LRRC4C: variants seen among roughly 807,000 people sequenced by gnomAD.
The protein encoded by LRRC4C is leucine rich repeat containing 4C, also known as leucine-rich repeat-containing protein 4C.
LRRC4C carries 5 observed loss-of-function variants against 33.6 expected under a neutral mutation model. The ratio of observed to expected loss-of-function variants is 0.15; its 90% CI spans 0.08 to 0.31. LRRC4C has a LOEUF of 0.31. Among genes scored for constraint, LRRC4C ranks in the 10% least tolerant of loss-of-function variants. The pLI is 1.00. For missense variants in LRRC4C, 560 were observed against 796.7 expected (o/e 0.70, Z 3.58); for synonymous variants, 329 against 302.0 (o/e 1.09, Z -0.93).
At chr11:41,182,998 T>C (rs1945521893) in intron 1 of LRRC4C, among the ~76,000 whole-genome samples, 1 of 152,044 alleles carries the variant, frequency 6.6e-6, no homozygotes, top group Non-Finnish European at 1.5e-5. Flanking sequence ...ACTCCCATTT[T>C]TTAAAACCAT....
chr11:40,408,679 A>C (rs1950046975), intron 3 of LRRC4C, among the ~76,000 whole-genome samples: 1 of 151,986 alleles, frequency 6.6e-6, no homozygotes, highest in Non-Finnish European at 1.5e-5. Flanking sequence ...AGTTGTTGAA[A>C]ACACATTAAA....
chr11:40,748,263 C>T (rs559959543), intron 2 of LRRC4C, among the ~76,000 whole-genome samples: 1 of 151,958 alleles, frequency 6.6e-6, no homozygotes, highest in East Asian at 1.9e-4. Context: ...ATTTAAAGTG[C>T]TAGAAGAAAA....
At chr11:40,615,678 A>G (rs55908160) in intron 3 of LRRC4C, among the ~76,000 whole-genome samples, 19,348 of 151,752 alleles carry the variant, frequency 0.13, 1,501 homozygotes, top group Non-Finnish European at 0.18. Context: ...ATCTATTAAA[A>G]TTCGCTTTAA....
At chr11:40,155,732 A>G (rs1858633422) in intron 5 of LRRC4C, among the ~76,000 whole-genome samples, 1 of 152,124 alleles carries the variant, frequency 6.6e-6, no homozygotes, top group Admixed American at 6.5e-5. Context: ...CAACAAAAAA[A>G]AGTCCAAGAC....
At chr11:40,242,922 G>A (rs1866031703) in intron 4 of LRRC4C, among the ~76,000 whole-genome samples, 2 of 152,038 alleles carry the variant, frequency 1.3e-5, no homozygotes, top group South Asian at 4.2e-4. Context: ...AGAGAATATG[G>A]AATGAGAAGA....
At chr11:40,449,143 G>A (rs1951775409) in intron 3 of LRRC4C, among the ~76,000 whole-genome samples, 1 of 151,924 alleles carries the variant, frequency 6.6e-6, no homozygotes, top group Non-Finnish European at 1.5e-5. Context: ...CAGGATATTA[G>A]CCCTTTCTCA....
intron 3 of LRRC4C, among the ~76,000 whole-genome samples, chr11:40,615,169 A>T (rs1396153241): frequency 6.7e-6 from 1 of 149,272 alleles, no homozygotes; most frequent in African/African-American, 2.5e-5. Context: ...AGTACGGAAA[A>T]CCTTCTGGTT....
chr11:40,978,148 C>T (rs1383409313), intron 1 of LRRC4C, among the ~76,000 whole-genome samples: 1 of 152,184 alleles, frequency 6.6e-6, no homozygotes, highest in African/African-American at 2.4e-5. Context: ...TTGCATTAGG[C>T]TCTCCGTTGA....
At chr11:40,142,298 A>C (rs1360980354) in intron 5 of LRRC4C, among the ~76,000 whole-genome samples, 8 of 151,450 alleles carry the variant, frequency 5.3e-5, no homozygotes, top group Non-Finnish European at 1.0e-4. Flanking sequence ...AAAAAAAAAA[A>C]AAAAAACCTC....
intron 1 of LRRC4C, among the ~76,000 whole-genome samples, chr11:41,168,510 C>A (rs1312892650): frequency 3.3e-5 from 5 of 152,136 alleles, no homozygotes; most frequent in Non-Finnish European, 7.3e-5. Flanking sequence ...TTTTCAATCT[C>A]TAATCTGTAC....
intron 4 of LRRC4C, among the ~76,000 whole-genome samples, chr11:40,261,239 C>T (rs780897219): frequency 1.4e-4 from 21 of 152,074 alleles, no homozygotes; most frequent in Non-Finnish European, 2.2e-4. Context: ...TGTAGCAACT[C>T]ACCTGCTGAA....
chr11:40,389,498 T>G (rs9787847), intron 3 of LRRC4C, among the ~76,000 whole-genome samples: 1 of 151,736 alleles, frequency 6.6e-6, no homozygotes, highest in Non-Finnish European at 1.5e-5. Flanking sequence ...AAAACCATTA[T>G]TTTTTCACTA....
Position 41,117,278 on chromosome 11 carries a change from C to T in LRRC4C, c.-495-183555G>A, listed in dbSNP as rs548569672. Among the ~76,000 whole-genome samples the T allele has an allele frequency of 2.0e-4, 31 of 152,256 alleles. No individual in the cohort carries two copies. In the South Asian group the frequency reaches 5.0e-3, roughly 24 times the overall value. On this transcript the variant is annotated intron_variant, in intron 1 of 6. Transcript: ENST00000528697. ...GCAGCACTGAGAACTAAATAAATTG[C>T]TCTGTTTGTAGCCACTTGCCAAATC...
chr11:40,690,539 G>T (rs1945177484), intron 2 of LRRC4C, among the ~76,000 whole-genome samples: 1 of 152,074 alleles, frequency 6.6e-6, no homozygotes, highest in Non-Finnish European at 1.5e-5. Flanking sequence ...ATTGGAAGAT[G>T]TTGACGTGGC....
At chr11:41,279,397 C>CAA (rs1565542292) in intron 1 of LRRC4C, among the ~76,000 whole-genome samples, 1 of 141,938 alleles carries the variant, frequency 7.0e-6, no homozygotes, top group Admixed American at 7.7e-5. Flanking sequence ...CACACACACA[C>CAA]ACACACACAC....
In LRRC4C at chr11:40,395,417, T is replaced by C. The variant is rs1949501381; in HGVS notation, c.-269-75696A>G. 1.3e-5 allele frequency among the ~76,000 whole-genome samples: 2 copies of C among 152,170 alleles called. 1 individual carries two copies. Among genetic ancestry groups the C allele is most frequent in the South Asian group, 4.1e-4 (2 of 4,836 alleles). On this transcript the variant is annotated intron_variant, in intron 3 of 6. Coordinates refer to ENST00000528697, the MANE Select transcript of LRRC4C (RefSeq NM_001258419.2). ...CCCTAACTAGGTACTTTCTCTCATG[T>C]ACATCACCTTTCTAATAAAAGGGCA...
chr11:40,967,110 C>T (rs1386800583), intron 1 of LRRC4C, among the ~76,000 whole-genome samples: 2 of 151,032 alleles, frequency 1.3e-5, no homozygotes, highest in African/African-American at 4.9e-5. Flanking sequence ...GTTAGCTAAT[C>T]TGAGTTTGAG....
chr11:41,038,386 C>T, intron 1 of LRRC4C, among the ~76,000 whole-genome samples: 1 of 152,192 alleles, frequency 6.6e-6, no homozygotes, highest in Non-Finnish European at 1.5e-5. Flanking sequence ...AGTTAATCCT[C>T]TTAATTTCCC....
At chr11:41,184,615 A>G (rs1945603673) in intron 1 of LRRC4C, among the ~76,000 whole-genome samples, 1 of 152,054 alleles carries the variant, frequency 6.6e-6, no homozygotes, top group Non-Finnish European at 1.5e-5. Flanking sequence ...AGTCTCTGGA[A>G]AGTTTCATAC....
Sources: allele counts gnomAD v4.1 joint callset (sites outside exome capture counted in the v4.1 genomes callset), GRCh38; gene constraint gnomAD v4.1.1; transcripts MANE v1.5; gene names NCBI Gene and HGNC (gene_info 2026-07-23, HGNC 2026-07-21).